Variants in NCR2 observed in about 807,000 individuals in gnomAD.
The protein encoded by NCR2 is natural cytotoxicity triggering receptor 2, also known as NK cell activating receptor (NKp44).
A neutral mutation model predicts 30.7 loss-of-function variants in NCR2; 35 were observed. The observed-to-expected ratio is 1.14, with a 90% CI of 0.87 to 1.51. The LOEUF (loss-of-function observed/expected upper bound fraction) is 1.51. Ranked by LOEUF, NCR2 falls within the 40% of genes most tolerant of loss-of-function variation. The probability of loss-of-function intolerance (pLI) is 0.00; values close to 1 mark genes in which losing one functional copy is unlikely to be tolerated. For synonymous variants in NCR2, 146 were observed against 134.8 expected, an observed-to-expected ratio of 1.08 and a Z score of -0.58; for missense variants, 316 against 328.9, an observed-to-expected ratio of 0.96 and a Z score of 0.30.
chr6:41,348,247 T>C (rs1249411496), intron 4 of NCR2, among the ~76,000 whole-genome samples: 2 of 152,132 alleles, frequency 1.3e-5, no homozygotes, highest in Non-Finnish European at 2.9e-5. Flanking sequence ...CTCATCCCAT[T>C]ATGGCGTCAG....
intron 2 of NCR2, among the ~76,000 whole-genome samples, chr6:41,340,736 C>T (rs1056015088): frequency 3.3e-5 from 5 of 152,178 alleles, no homozygotes; most frequent in African/African-American, 1.2e-4. Flanking sequence ...CAGCACCAGG[C>T]CATAGATGAC....
intron 2 of NCR2, among the ~76,000 whole-genome samples, chr6:41,340,024 T>A (rs1458080800): frequency 6.6e-6 from 1 of 152,198 alleles, no homozygotes; most frequent in Non-Finnish European, 1.5e-5. Context: ...TAGCTAATCA[T>A]GTTACACTCT....
chr6:41,343,139 C>A (rs192904829), intron 4 of NCR2: 159 of 862,336 alleles, frequency 1.8e-4, no homozygotes, highest in Non-Finnish European at 2.1e-4. Flanking sequence ...TTTAGCCACG[C>A]TCTCCCTGCA....
chr6:41,346,828 A>AGAGGGAGG lies in NCR2; in HGVS notation c.645-3831_645-3824dup, dbSNP rs374481433. On this transcript the variant is annotated intron_variant, in intron 4 of 4. Coordinates refer to ENST00000373089, the MANE Select transcript of NCR2 (RefSeq NM_004828.4). ...GAGAAAGAGGGGGAAAGAGAGAAAG[A>AGAGGGAGG]GAGGGAGGGAGGGAGGGAGGGAGGG... Among the ~76,000 whole-genome samples the AGAGGGAGG allele has an allele frequency of 2.3e-3, 316 of 135,948 alleles. 2 individuals are homozygous for AGAGGGAGG. Among genetic ancestry groups the AGAGGGAGG allele is most frequent in the African/African-American group, 8.1e-3 (302 of 37,270 alleles). 89.2% of individuals were successfully genotyped at this position (135,948 alleles called of 152,430 possible). A position where few individuals can be genotyped will look rare whatever the true frequency, so the allele number is the denominator to read the frequency against.
In NCR2 at chr6:41,336,210, C is replaced by T. The variant is rs1769020674; in HGVS notation, c.176C>T (p.Ser59Leu). 6.2e-7 allele frequency: 1 copy of T among 1,614,176 alleles called. No individual in the cohort carries two copies. The highest frequency in any genetic ancestry group is 8.5e-7 in the Non-Finnish European group (1 of 1,180,042). ...AAGAAAGGCTGGTGTAAGGAGGCTTCAGCACTTGTGTGCATCAGGTTAGTC... is the reference window on the plus strand; with the variant it reads ...AAGAAAGGCTGGTGTAAGGAGGCTTTAGCACTTGTGTGCATCAGGTTAGTC... ...YEKKGWCKEA[S>L]ALVCIRLVTS... Residue 59 changes from serine to leucine, a missense_variant, in exon 2 of 5, where the codon TCA becomes TTA. Transcript: ENST00000373089.
At chr6:41,342,277 T>G in intron 4 of NCR2, 128 bp downstream of exon 4, 1 of 1,296,538 alleles carries the variant, frequency 7.7e-7, no homozygotes, top group Non-Finnish European at 1.0e-6. Context: ...CTCTCCAAAT[T>G]AAAGCCCTCA....
At chr6:41,341,439 AAG>A (rs2114055163) in intron 2 of NCR2, among the ~76,000 whole-genome samples, 1 of 152,262 alleles carries the variant, frequency 6.6e-6, no homozygotes, top group East Asian at 1.9e-4. Context: ...AGGCATGAGA[AAG>A]AGAATGGAGG....
At position 41,347,936 on chromosome 6, in the gene NCR2, C is replaced by T. The variant is rs372348187; in HGVS notation, c.645-2742C>T. Among the ~76,000 whole-genome samples the T allele has an allele frequency of 4.9e-4, 75 of 152,232 alleles. 2 individuals carry two copies. Among genetic ancestry groups the T allele is most frequent in the Middle Eastern group, 3.4e-3 (1 of 294 alleles). ...TTGCCATGTGAGCCTTTCTTCACGG[C>T]AAGGGAACTAACTTCCCAAGTGTGA... On this transcript the variant is annotated intron_variant, in intron 4 of 4. Coordinates refer to ENST00000373089, the MANE Select transcript of NCR2 (RefSeq NM_004828.4).
intron 2 of NCR2, among the ~76,000 whole-genome samples, chr6:41,339,296 A>C (rs1472335561): frequency 6.6e-6 from 1 of 152,044 alleles, no homozygotes; most frequent in Non-Finnish European, 1.5e-5. Flanking sequence ...TCGTGACCTC[A>C]GGTGATCCGC....
intron 2 of NCR2, among the ~76,000 whole-genome samples, chr6:41,340,147 C>CTTTATTTATTTATTTATTTA (rs34270868): frequency 0.08 from 11,720 of 147,202 alleles, 848 homozygotes; most frequent in African/African-American, 0.19. Flanking sequence ...TAGCTAACAA[C>CTTTATTTATTTATTTATTTA]TTTATTTATT....
At chr6:41,349,411 T>C (rs920321451) in intron 4 of NCR2, among the ~76,000 whole-genome samples, 2 of 152,144 alleles carry the variant, frequency 1.3e-5, no homozygotes, top group Non-Finnish European at 2.9e-5. Context: ...TGGAATTTCC[T>C]GGCATCTTTT....
In NCR2 at chr6:41,349,586, TC is replaced by T. The variant is rs561736274; in HGVS notation, c.645-1091del. 2.8e-3 allele frequency among the ~76,000 whole-genome samples: 420 copies of T among 152,332 alleles called. 2 individuals carry two copies. The highest frequency in any genetic ancestry group is 9.7e-3 in the African/African-American group (404 of 41,570). Reference sequence around the variant, plus strand: ...TCAATCAAGCTGACATGATGAAGTCTCTGTAAAAATCACAAAAGTAAGGTTC... The same window carrying T: ...TCAATCAAGCTGACATGATGAAGTCTTGTAAAAATCACAAAAGTAAGGTTC... On this transcript the variant is annotated intron_variant, in intron 4 of 4. Transcript: ENST00000373089.
chr6:41,337,587 A>T (rs896574585), intron 2 of NCR2, among the ~76,000 whole-genome samples: 1 of 152,234 alleles, frequency 6.6e-6, no homozygotes, highest in South Asian at 2.1e-4. Flanking sequence ...ATGACACCAC[A>T]TCACTTAGGA....
At chr6:41,342,850 C>A in intron 4 of NCR2, 1 of 1,410,510 alleles carries the variant, frequency 7.1e-7, no homozygotes, top group Non-Finnish European at 9.8e-7. Flanking sequence ...GAGGGGCAGG[C>A]TTGGGGAAAG....
chr6:41,341,179 C>A (rs1007845482), intron 2 of NCR2, among the ~76,000 whole-genome samples: 2 of 152,160 alleles, frequency 1.3e-5, no homozygotes, highest in African/African-American at 2.4e-5. Flanking sequence ...CATCACTTTT[C>A]CAGAGACAGC....
intron 4 of NCR2, chr6:41,343,142 T>G: frequency 1.2e-6 from 1 of 844,442 alleles, no homozygotes; most frequent in Non-Finnish European, 1.8e-6. Flanking sequence ...AGCCACGCTC[T>G]CCCTGCAGAG....
chr6:41,340,103 A>T (rs921140875), intron 2 of NCR2, among the ~76,000 whole-genome samples: 8 of 152,116 alleles, frequency 5.3e-5, no homozygotes, highest in Non-Finnish European at 1.0e-4. Context: ...ATAAAATTAT[A>T]CATCTTTCGA....
chr6:41,349,147 T>C (rs889031012), intron 4 of NCR2, among the ~76,000 whole-genome samples: 2 of 147,458 alleles, frequency 1.4e-5, no homozygotes, highest in African/African-American at 4.9e-5. Context: ...TATTAATTTT[T>C]ATTAATAATT....
chr6:41,346,442 C>T (rs1404094698), intron 4 of NCR2, among the ~76,000 whole-genome samples: 2 of 152,110 alleles, frequency 1.3e-5, no homozygotes, highest in Non-Finnish European at 2.9e-5. Flanking sequence ...GATCCTGCCA[C>T]CCGCCCCTTT....
Sources: allele counts gnomAD v4.1 joint callset (sites outside exome capture counted in the v4.1 genomes callset), GRCh38; gene constraint gnomAD v4.1.1; transcripts MANE v1.5; gene names NCBI Gene and HGNC (gene_info 2026-07-23, HGNC 2026-07-21).